Variants in SLC8A1 observed in about 807,000 individuals in gnomAD.
The protein encoded by SLC8A1 is sodium/calcium exchanger 1.
Under a neutral mutation model 68.3 loss-of-function variants are expected in SLC8A1, and 18 were observed. The ratio of observed to expected loss-of-function variants is 0.26; its 90% CI spans 0.18 to 0.39. The LOEUF (loss-of-function observed/expected upper bound fraction) is 0.39. Ranked by LOEUF, SLC8A1 falls within the 10% of genes least tolerant of loss-of-function variation. SLC8A1 has a pLI of 1.00. For missense variants in SLC8A1, 985 were observed against 1,156.7 expected (o/e 0.85, Z 2.15); for synonymous variants, 475 against 415.5 (o/e 1.14, Z -1.74).
At chr2:40,398,886 C>G (rs964304380) in intron 2 of SLC8A1, among the ~76,000 whole-genome samples, 1 of 152,180 alleles carries the variant, frequency 6.6e-6, no homozygotes, top group Admixed American at 6.6e-5. Flanking sequence ...GCAACAGATT[C>G]TGATGTTTGC....
chr2:40,126,456 A>T (rs537268170), intron 7 of SLC8A1, among the ~76,000 whole-genome samples: 89 of 152,332 alleles, frequency 5.8e-4, no homozygotes, highest in African/African-American at 2.0e-3. Flanking sequence ...AGAAGAATCC[A>T]GGGCAGTGGG....
intron 4 of SLC8A1, 67 bp from the exon 8 acceptor site, chr2:40,165,051 C>A: frequency 1.3e-6 from 2 of 1,596,542 alleles, no homozygotes; most frequent in Non-Finnish European, 1.7e-6. Context: ...CTGGATCCTG[C>A]CATAAGAAAG....
chr2:40,451,835 A>C (rs1435038726), intron 1 of SLC8A1, 69 bp downstream of exon 1: 1 of 153,572 alleles, frequency 6.5e-6, no homozygotes, highest in Non-Finnish European at 1.4e-5. Flanking sequence ...TAGCCTTATG[A>C]GCAGCAAATG....
exon 8 of SLC8A1, chr2:40,103,209 A>G (rs1009798029): frequency 6.6e-6 from 1 of 152,172 alleles, no homozygotes; most frequent in Non-Finnish European, 1.5e-5. Context: ...TTCTTTGTTT[A>G]TGCAAGCAGA....
At chr2:40,405,767 T>C (rs1247724115) in intron 2 of SLC8A1, among the ~76,000 whole-genome samples, 1 of 152,210 alleles carries the variant, frequency 6.6e-6, no homozygotes, top group East Asian at 1.9e-4. Context: ...CCTTGGCTAT[T>C]CTTTCTTCCC....
intron 2 of SLC8A1, among the ~76,000 whole-genome samples, chr2:40,270,425 T>C (rs2065883022): frequency 6.6e-6 from 1 of 152,262 alleles, no homozygotes; most frequent in South Asian, 2.1e-4. Context: ...CCAGCAGGGC[T>C]GTGTTCCTTT....
intron 2 of SLC8A1, among the ~76,000 whole-genome samples, chr2:40,307,353 A>G (rs1213006375): frequency 6.6e-6 from 1 of 152,180 alleles, no homozygotes; most frequent in Non-Finnish European, 1.5e-5. Flanking sequence ...AAATTAATAG[A>G]AAGCAAAATG....
At chr2:40,228,592 T>C (rs1039306050) in intron 2 of SLC8A1, among the ~76,000 whole-genome samples, 1 of 152,190 alleles carries the variant, frequency 6.6e-6, no homozygotes, top group Admixed American at 6.5e-5. Context: ...CTTCATTTAA[T>C]GAAAGACCCC....
intron 2 of SLC8A1, among the ~76,000 whole-genome samples, chr2:40,375,325 G>A (rs1488266394): frequency 6.6e-6 from 1 of 152,056 alleles, no homozygotes; most frequent in Non-Finnish European, 1.5e-5. Flanking sequence ...TTATCTTCCT[G>A]TTGGTTTGTT....
At chr2:40,498,940 C>T (rs1368311115) in intron 1 of SLC8A1, among the ~76,000 whole-genome samples, 1 of 151,916 alleles carries the variant, frequency 6.6e-6, no homozygotes, top group African/African-American at 2.4e-5. Context: ...GCTCAACATA[C>T]AAACTAAATT....
exon 2 of SLC8A1, chr2:40,429,515 G>C: frequency 6.2e-7 from 1 of 1,613,796 alleles, no homozygotes. Flanking sequence ...TAAAACAGAA[G>C]TCTCCTATCC....
At chr2:40,363,953 GA>G (rs994962410) in intron 2 of SLC8A1, among the ~76,000 whole-genome samples, 2 of 151,596 alleles carry the variant, frequency 1.3e-5, no homozygotes, top group Admixed American at 6.6e-5. Context: ...ACTTCGGGGA[GA>G]AAAAAATGAA....
At chr2:40,498,758 C>G (rs1279082766) in intron 1 of SLC8A1, among the ~76,000 whole-genome samples, 1 of 151,998 alleles carries the variant, frequency 6.6e-6, no homozygotes, top group Non-Finnish European at 1.5e-5. Context: ...TCCATTTTCA[C>G]TACATTTTCA....
chr2:40,429,199 C>T (rs1330524437), exon 2 of SLC8A1: 1 of 1,613,786 alleles, frequency 6.2e-7, no homozygotes, highest in South Asian at 1.1e-5. Context: ...ATAAAATGCT[C>T]TACTTTTTTG....
chr2:40,406,550 G>C (rs1053892916), intron 2 of SLC8A1, among the ~76,000 whole-genome samples: 1 of 152,138 alleles, frequency 6.6e-6, no homozygotes, highest in Non-Finnish European at 1.5e-5. Flanking sequence ...GCCATCACAC[G>C]ATCTAAGGTG....
rs1347282997 is a variant in SLC8A1, at chr2:40,194,502, TGTGTGC to T, written c.1809-16653_1809-16648del. On this transcript the variant is annotated intron_variant, in intron 2 of 7. Transcript: ENST00000406785. Reference sequence around the variant, plus strand: ...GTGTGTGTGTGTGTGTGTGTGTGTGTGTGTGCGCGCGCAAAGAAAACGAGAGGGAGA... The same window carrying T: ...GTGTGTGTGTGTGTGTGTGTGTGTGTGCGCGCAAAGAAAACGAGAGGGAGA... 2.7e-5 allele frequency among the ~76,000 whole-genome samples: 4 copies of T among 146,358 alleles called. No homozygotes were observed. The East Asian group carries it at 5.9e-4, about 21-fold the overall frequency.
chr2:40,122,691 C>T (rs1398109577), intron 7 of SLC8A1, among the ~76,000 whole-genome samples: 1 of 152,178 alleles, frequency 6.6e-6, no homozygotes, highest in South Asian at 2.1e-4. Context: ...TAACTGACCA[C>T]TCACAGCCCT....
At chr2:40,428,603 C>T (rs1697497703) in exon 2 of SLC8A1, 2 of 1,613,746 alleles carry the variant, frequency 1.2e-6, no homozygotes, top group African/African-American at 2.7e-5. Flanking sequence ...GTTCTCAATA[C>T]TTTCACCTCC....
At chr2:40,503,885 G>A (rs1325009151) in intron 1 of SLC8A1, among the ~76,000 whole-genome samples, 1 of 151,964 alleles carries the variant, frequency 6.6e-6, no homozygotes, top group Non-Finnish European at 1.5e-5. Context: ...ATTACCCAAA[G>A]CAATCTATAG....
Sources: gnomAD v4.1 joint callset for allele counts (sites outside exome capture counted in the v4.1 genomes callset) on GRCh38, gnomAD v4.1.1 for gene constraint, MANE v1.5 for transcripts, NCBI Gene and HGNC (gene_info 2026-07-23, HGNC 2026-07-21) for gene names.